The following WWOX variants were observed in gnomAD, a reference collection of about 807,000 sequenced individuals.
WWOX encodes the protein WW domain containing oxidoreductase.
A neutral mutation model predicts 46.2 loss-of-function variants in WWOX; 69 were observed. That is an observed-to-expected ratio of 1.49 (90% confidence interval 1.23 to 1.82). The LOEUF (loss-of-function observed/expected upper bound fraction) is 1.82, where lower values mean the gene tolerates loss of function less well. Among genes scored for constraint, WWOX ranks in the 40% most tolerant of loss-of-function variants. The pLI is 0.00. For missense variants in WWOX, 919 were observed against 542.6 expected, an observed-to-expected ratio of 1.69 and a Z score of -6.89; for synonymous variants, 359 against 202.6, an observed-to-expected ratio of 1.77 and a Z score of -6.56.
chr16:78,735,385 C>CCAGACACAAACACA lies in WWOX; in HGVS notation c.1056+302635_1056+302636insGACACAAACACACA, dbSNP rs1452058497. Reference sequence around the variant, plus strand: ...GAACCAATAAGAGATGTCATACACACCACACACAAACACACACACACACAC... The same window carrying CCAGACACAAACACA: ...GAACCAATAAGAGATGTCATACACACCAGACACAAACACACACACACAAACACACACACACACAC... On this transcript the variant is annotated intron_variant, in intron 8 of 8. Coordinates refer to ENST00000566780, the MANE Select transcript of WWOX (RefSeq NM_016373.4). Among the ~76,000 whole-genome samples the CCAGACACAAACACA allele has an allele frequency of 1.3e-3, 139 of 103,954 alleles. 2 individuals carry two copies. The South Asian group carries it at 0.015, about 11-fold the overall frequency. 68.2% of individuals were successfully genotyped at this position (103,954 alleles called of 152,430 possible).
intron 8 of WWOX, among the ~76,000 whole-genome samples, chr16:78,701,649 G>A (rs1398038846): frequency 1.3e-5 from 2 of 151,828 alleles, no homozygotes; most frequent in Admixed American, 6.6e-5. Context: ...CCTCTGCAGG[G>A]AGAGCTTGGA....
At chr16:78,756,762 G>C (rs2049659237) in intron 8 of WWOX, among the ~76,000 whole-genome samples, 1 of 152,154 alleles carries the variant, frequency 6.6e-6, no homozygotes, top group African/African-American at 2.4e-5. Context: ...TGGGGAATGT[G>C]GCCTCTGGTG....
chr16:78,727,116 C>T (rs568797685), intron 8 of WWOX, among the ~76,000 whole-genome samples: 20 of 152,270 alleles, frequency 1.3e-4, no homozygotes, highest in Non-Finnish European at 2.6e-4. Context: ...AAATGAGGCC[C>T]AGTGGGGCAC....
rs1325179079 is a variant in WWOX, at chr16:78,341,921, G to A, written c.517-44939G>A. On this transcript the variant is annotated intron_variant, in intron 5 of 8. Transcript: ENST00000566780. ...CTTGTCTTACAGGAGTTGAAGACTAGCCTTGGCAACATAGCAAGACCTCAT... is the reference window on the plus strand; with the variant it reads ...CTTGTCTTACAGGAGTTGAAGACTAACCTTGGCAACATAGCAAGACCTCAT... Among the ~76,000 whole-genome samples, 6 of 116,886 alleles carry A rather than the reference G, an allele frequency of 5.1e-5. 2 individuals are homozygous for A. Among genetic ancestry groups the A allele is most frequent in the African/African-American group, 1.2e-4 (4 of 33,844 alleles). The allele number at this position is 116,886 out of a possible 152,430, so 76.7% of individuals were successfully genotyped here. A position where few individuals can be genotyped will look rare whatever the true frequency, so the allele number is the denominator to read the frequency against.
chr16:79,020,290 C>A (rs149814211), intron 8 of WWOX, among the ~76,000 whole-genome samples: 33 of 152,312 alleles, frequency 2.2e-4, no homozygotes, highest in African/African-American at 7.7e-4. Context: ...TCATGGAAGA[C>A]TTCTTAGGGA....
chr16:79,059,623 T>A (rs778385753), intron 8 of WWOX, among the ~76,000 whole-genome samples: 1 of 152,216 alleles, frequency 6.6e-6, no homozygotes, highest in Non-Finnish European at 1.5e-5. Context: ...GCCTCCCAAG[T>A]AGCTGGGATT....
At chr16:78,936,948 C>G (rs899229431) in intron 8 of WWOX, among the ~76,000 whole-genome samples, 1 of 152,058 alleles carries the variant, frequency 6.6e-6, no homozygotes, top group African/African-American at 2.4e-5. Context: ...TGTAAAGATG[C>G]TTTTTAAAGC....
intron 8 of WWOX, among the ~76,000 whole-genome samples, chr16:78,621,532 CT>C (rs2046181702): frequency 7.1e-6 from 1 of 140,574 alleles, no homozygotes; most frequent in Admixed American, 7.3e-5. Flanking sequence ...CAGAACTTGG[CT>C]TTTATTGGCC....
chr16:78,820,906 A>T (rs141926197), intron 8 of WWOX, among the ~76,000 whole-genome samples: 2 of 151,896 alleles, frequency 1.3e-5, no homozygotes, highest in Non-Finnish European at 2.9e-5. Flanking sequence ...TCTAATCTCT[A>T]CTTCCTCCCT....
In WWOX at chr16:78,590,166, T is replaced by TCTC. The variant is rs879699302; in HGVS notation, c.1056+157414_1056+157415insCTC. Among the ~76,000 whole-genome samples the TCTC allele has an allele frequency of 5.8e-3, 227 of 39,330 alleles. 1 individual carries two copies. Among genetic ancestry groups the TCTC allele is most frequent in the East Asian group, 0.045 (77 of 1,714 alleles). 25.8% of individuals were successfully genotyped at this position (39,330 alleles called of 152,430 possible). A position where few individuals can be genotyped will look rare whatever the true frequency, so the allele number is the denominator to read the frequency against. On this transcript the variant is annotated intron_variant, in intron 8 of 8. Transcript: ENST00000566780. ...ATTCAGTCTCTCTCTCTCTCTCTGT[T>TCTC]TATTATAGATAGAAATAAAAAAATT...
At chr16:79,078,406 C>T (rs993409531) in intron 8 of WWOX, among the ~76,000 whole-genome samples, 2 of 152,092 alleles carry the variant, frequency 1.3e-5, no homozygotes, top group Admixed American at 6.6e-5. Context: ...TCTCATGGCT[C>T]GGGAAGGAGA....
rs559374241 is a variant in WWOX, at chr16:79,032,805, G to T, written c.1057-178803G>T. Among the ~76,000 whole-genome samples the T allele has an allele frequency of 3.3e-5, 5 of 151,418 alleles. No individual in the cohort carries two copies. In the South Asian group the frequency reaches 1.0e-3, roughly 32 times the overall value. ...TTTTAAGTTCAGGGGTCCATGTGCA[G>T]GTTTGTTATATAGGTAAACTGGCGT... is the stretch of plus-strand genomic sequence containing the variant. On this transcript the variant is annotated intron_variant, in intron 8 of 8. Transcript: ENST00000566780.
At chr16:78,147,570 T>C (rs908214443) in intron 4 of WWOX, among the ~76,000 whole-genome samples, 19 of 152,142 alleles carry the variant, frequency 1.2e-4, no homozygotes, top group African/African-American at 4.6e-4. Context: ...GTGACTTTGG[T>C]AGCATAAAGA....
chr16:78,931,450 T>A (rs1289456302), intron 8 of WWOX, among the ~76,000 whole-genome samples: 3 of 152,132 alleles, frequency 2.0e-5, no homozygotes, highest in Non-Finnish European at 4.4e-5. Flanking sequence ...GGAAATGAAA[T>A]ATACAACTCT....
Position 78,397,774 on chromosome 16 carries a change from C to T in WWOX, c.605+10826C>T, listed in dbSNP as rs13333343. Among the ~76,000 whole-genome samples, 85 of 152,320 alleles carry T rather than the reference C, an allele frequency of 5.6e-4. 1 individual carries two copies. The highest frequency in any genetic ancestry group is 1.9e-3 in the African/African-American group (80 of 41,568). On this transcript the variant is annotated intron_variant, in intron 6 of 8. Coordinates refer to ENST00000566780, the MANE Select transcript of WWOX (RefSeq NM_016373.4). ...GGATCACCTCAGGTGATCCGCCCAC[C>T]TCAACCTCCCAAACTGCTGGGATTA...
intron 6 of WWOX, among the ~76,000 whole-genome samples, chr16:78,402,883 C>T (rs772942788): frequency 6.6e-6 from 1 of 152,164 alleles, no homozygotes; most frequent in African/African-American, 2.4e-5. Context: ...CACTCCACTA[C>T]CACATGTGAA....
At chr16:78,936,427 C>G (rs985232810) in intron 8 of WWOX, among the ~76,000 whole-genome samples, 5 of 152,098 alleles carry the variant, frequency 3.3e-5, no homozygotes, top group East Asian at 1.9e-4. Context: ...TTCTTACTCT[C>G]TAGAGCTCTT....
chr16:78,981,830 C>G (rs958074807), intron 8 of WWOX: 1 of 152,206 alleles, frequency 6.6e-6, no homozygotes, highest in Non-Finnish European at 1.5e-5. Context: ...CCCTGAGTTA[C>G]ACTGAAGATG....
chr16:78,129,752 G>C (rs2070249776), intron 4 of WWOX, among the ~76,000 whole-genome samples: 1 of 151,724 alleles, frequency 6.6e-6, no homozygotes, highest in Admixed American at 6.6e-5. Flanking sequence ...CTAAAATCAG[G>C]ATATTTTACT....
Sources: allele counts gnomAD v4.1 joint callset (sites outside exome capture counted in the v4.1 genomes callset), GRCh38; gene constraint gnomAD v4.1.1; transcripts MANE v1.5; gene names NCBI Gene and HGNC (gene_info 2026-07-23, HGNC 2026-07-21).